STAG2: variants seen among roughly 807,000 people sequenced by gnomAD.
STAG2 encodes the protein STAG2 cohesin complex component.
In STAG2, 14 loss-of-function variants were observed where a neutral mutation model predicts 108.1. The ratio of observed to expected loss-of-function variants is 0.13; its 90% confidence interval spans 0.09 to 0.20. The LOEUF is 0.20. Among genes scored for constraint, STAG2 ranks in the 10% least tolerant of loss-of-function variants. The pLI is 1.00. For synonymous variants in STAG2, 307 were observed against 302.7 expected (o/e 1.01, Z -0.15); for missense variants, 440 against 940.9 (o/e 0.47, Z 6.96).
chrX:124,096,797 C>T (rs773964061), intron 34 of STAG2, among the ~76,000 whole-genome samples: 1 of 112,139 alleles, frequency 8.9e-6, no homozygotes, highest in South Asian at 3.7e-4. Flanking sequence ...TCTACCATTC[C>T]CACCTTGCCC....
At chrX:124,044,969 TTAAA>T (rs1277413253) in intron 7 of STAG2, among the ~76,000 whole-genome samples, 191 bp from the exon 8 acceptor site, 1 of 111,768 alleles carries the variant, frequency 8.9e-6, no homozygotes, top group Non-Finnish European at 1.9e-5. Flanking sequence ...TATCTTGATC[TTAAA>T]TAAAGAGCTG....
chrX:124,058,276 G>GC (rs1177347970), intron 15 of STAG2, among the ~76,000 whole-genome samples: 1 of 107,015 alleles, frequency 9.3e-6, no homozygotes, highest in African/African-American at 3.4e-5. Flanking sequence ...TCCTGCCTCA[G>GC]CCTCCCGAGT....
Position 124,057,934 on chromosome X carries a change from C to A in STAG2, c.1373C>A (p.Ala458Asp). 1 of 1,194,101 alleles carries A rather than the reference C, an allele frequency of 8.4e-7. No homozygotes were observed. ...MKRRGRQGPN[A>D]NLVKTLVFFF... is the part of the protein sequence containing the mutation. ...AGAAGAGGAAGACAAGGTCCAAATG[C>A]CAACCTTGTTAAGACATTGGTTTTT... The change falls in exon 15 of 35, where the codon GCC becomes GAC. Residue 458 changes from alanine (A) to aspartate (D), a missense_variant. By Grantham distance (126) the Ala-to-Asp change is moderately radical (BLOSUM62 -2). Around this residue, in one of 3 missense-constraint regions of STAG2, gnomAD observed 337 missense variants for 649.3 expected, o/e 0.52. Transcript: ENST00000371145.
intron 1 of STAG2, among the ~76,000 whole-genome samples, chrX:123,991,190 C>A (rs1252350686): frequency 8.9e-6 from 1 of 111,954 alleles, no homozygotes; most frequent in Non-Finnish European, 1.9e-5. Context: ...TACTCATATA[C>A]CTATCACCTA....
chrX:124,008,379 A>G (rs1300668848), intron 1 of STAG2, among the ~76,000 whole-genome samples: 1 of 108,715 alleles, frequency 9.2e-6, no homozygotes, highest in Non-Finnish European at 1.9e-5. Flanking sequence ...ACGCCTGGCT[A>G]ATTTTTGTAT....
At chrX:124,023,710 G>A (rs1052266526) in intron 3 of STAG2, among the ~76,000 whole-genome samples, 27 of 111,934 alleles carry the variant, frequency 2.4e-4, no homozygotes, top group African/African-American at 8.4e-4. Context: ...ATAAAGAGAA[G>A]ATTATGAAGT....
In STAG2 at chrX:124,095,399, A is replaced by T. The variant is rs1380172379; in HGVS notation, c.3733A>T (p.Thr1245Ser). The T allele has an allele frequency of 8.3e-7, 1 of 1,210,503 alleles. No homozygotes were observed. The highest frequency in any genetic ancestry group is 2.2e-5 in the Admixed American group (1 of 46,046). The change falls in exon 34 of 35, where the codon ACA (threonine) becomes TCA (serine). Residue 1245 changes from threonine to serine, a missense_variant. By Grantham distance (58) the Thr-to-Ser change is moderately conservative. Coordinates refer to ENST00000371145, the MANE Select transcript of STAG2 (RefSeq NM_001042750.2). ...ACCATCAAAGAACAGACGAGAGAGA[A>T]CAGAACTGAAGCCTGATTTCTTTGA... ...LPPSKNRRER[T>S]ELKPDFFDPA... is the part of the protein sequence containing the mutation.
At chrX:123,991,388 T>C (rs1214436169) in intron 1 of STAG2, among the ~76,000 whole-genome samples, 2 of 110,963 alleles carry the variant, frequency 1.8e-5, no homozygotes, top group Non-Finnish European at 3.8e-5. Flanking sequence ...AGTCTGACTC[T>C]GTTGCCCAGG....
In STAG2 at chrX:124,078,065, A is replaced by G. The variant is rs1287396266; in HGVS notation, c.2775+7A>G. 2.6e-6 allele frequency: 3 copies of G among 1,140,169 alleles called. No homozygotes were observed. The highest frequency in any genetic ancestry group is 3.0e-5 in the East Asian group (1 of 32,794). The allele number at this position is 1,140,169 out of a possible 1,213,427, so 94.0% of individuals were successfully genotyped here. A position where few individuals can be genotyped will look rare whatever the true frequency, so the allele number is the denominator to read the frequency against. On this transcript the variant is annotated splice_region_variant and intron_variant, in intron 27 of 34. Coordinates refer to ENST00000371145, the MANE Select transcript of STAG2 (RefSeq NM_001042750.2). The stretch of plus-strand genomic sequence containing the variant: ...TATTCTCAGTCTGCAACAGGTAAGC[A>G]TTAAGAGTACCAACTTTAGCTAACA...
At chrX:124,037,453 G>T in intron 5 of STAG2, 74 bp from the exon 6 acceptor site, 2 of 561,947 alleles carry the variant, frequency 3.6e-6, no homozygotes, top group Non-Finnish European at 5.4e-6. Flanking sequence ...TGAATTTTAT[G>T]ACTTTATCAG....
intron 30 of STAG2, among the ~76,000 whole-genome samples, chrX:124,089,991 T>A (rs1847306738): frequency 9.2e-6 from 1 of 108,249 alleles, no homozygotes; most frequent in African/African-American, 3.4e-5. Flanking sequence ...TGAAACCCTG[T>A]CTCTACTAAA....
intron 27 of STAG2, among the ~76,000 whole-genome samples, chrX:124,078,411 G>T (rs909035182): frequency 4.5e-5 from 5 of 111,875 alleles, no homozygotes; most frequent in African/African-American, 1.6e-4. Flanking sequence ...ATATTGCAAT[G>T]TTGTTTATAG....
chrX:124,064,860 A>C (rs1489926132), intron 20 of STAG2, among the ~76,000 whole-genome samples: 3 of 111,637 alleles, frequency 2.7e-5, no homozygotes, highest in African/African-American at 9.8e-5. Flanking sequence ...GTACTTAAAT[A>C]CACTTGTATT....
chrX:124,081,345 A>G lies in STAG2; in HGVS notation c.2776-35A>G, dbSNP rs187507782. 5.1e-4 allele frequency: 517 copies of G among 1,011,808 alleles called. No individual in the cohort carries two copies. The African/African-American group carries it at 9.6e-3, about 19-fold the overall frequency. The allele number at this position is 1,011,808 out of a possible 1,213,427, so 83.4% of individuals were successfully genotyped here. ...TAAAAGATGTTAATCTCCAGGTATT[A>G]AGAACTTTAACATGCTTTCTTTCTT... On this transcript the variant is annotated intron_variant, in intron 27 of 34. Coordinates refer to ENST00000371145, the MANE Select transcript of STAG2 (RefSeq NM_001042750.2).
chrX:124,026,850 G>A (rs2057119191), intron 4 of STAG2, among the ~76,000 whole-genome samples: 1 of 111,895 alleles, frequency 8.9e-6, no homozygotes, highest in African/African-American at 3.2e-5. Flanking sequence ...ATAAGTGACT[G>A]TAAAACTCTC....
intron 1 of STAG2, among the ~76,000 whole-genome samples, chrX:124,002,812 C>CTTTTTTTTTTTTTTT (rs111999061): frequency 1.1e-5 from 1 of 92,945 alleles, no homozygotes; most frequent in Non-Finnish European, 2.1e-5. Context: ...TTCTTTCTTT[C>CTTTTTTTTTTTTTTT]TTTTTTTTTT....
Position 123,985,423 on chromosome X carries a change from G to A in STAG2, c.-163+23567G>A, listed in dbSNP as rs932641370. Among the ~76,000 whole-genome samples the A allele has an allele frequency of 7.3e-5, 8 of 110,319 alleles. No homozygotes were observed. In the East Asian group the frequency reaches 1.4e-3, roughly 20 times the overall value. ...ATTTTTTATTTTTTGTAGAGATGGC[G>A]TCTTACTTTGTTCCCCAGGCTGGTC... On this transcript the variant is annotated intron_variant, in intron 1 of 34. Coordinates refer to ENST00000371145, the MANE Select transcript of STAG2 (RefSeq NM_001042750.2).
At position 124,056,712 on chromosome X, in the gene STAG2, G is replaced by A. The variant is rs371572796; in HGVS notation, c.1304+477G>A. Reference sequence around the variant, plus strand: ...TGGGCCACTGCACTCCAGCCTGGGCGACAGAGCGAGACTCCATCTAAAAAA... The same window carrying A: ...TGGGCCACTGCACTCCAGCCTGGGCAACAGAGCGAGACTCCATCTAAAAAA... On this transcript the variant is annotated intron_variant, in intron 14 of 34. Transcript: ENST00000371145. Among the ~76,000 whole-genome samples, 13 of 75,845 alleles carry A rather than the reference G, an allele frequency of 1.7e-4. No individual in the cohort carries two copies. In the East Asian group the frequency reaches 3.2e-3, roughly 19 times the overall value. 65.9% of individuals were successfully genotyped at this position (75,845 alleles called of 115,157 possible).
At position 124,094,114 on chromosome X, in the gene STAG2, A is replaced by G; in HGVS notation, c.3675A>G (p.Gly1225=). 8.3e-7 allele frequency: 1 copy of G among 1,207,051 alleles called. No individual in the cohort carries two copies. The highest frequency in any genetic ancestry group is 1.1e-6 in the Non-Finnish European group (1 of 891,598). ...SEGRIEDLNE[G]MDFDTMDIDL... Reference sequence around the variant, plus strand: ...GGAGGATTGAGGATCTTAATGAGGGAATGGATTTTGACACCATGGATATAG... The same window carrying G: ...GGAGGATTGAGGATCTTAATGAGGGGATGGATTTTGACACCATGGATATAG... Residue 1225 remains glycine (G), a synonymous_variant, in exon 33 of 35, where the codon GGA becomes GGG. Coordinates refer to ENST00000371145, the MANE Select transcript of STAG2 (RefSeq NM_001042750.2).
Sources: gnomAD v4.1 joint callset for allele counts (sites outside exome capture counted in the v4.1 genomes callset) on GRCh38, gnomAD v4.1.1 for gene constraint, gnomAD v4.1.1 regional missense constraint, MANE v1.5 for transcripts, NCBI Gene and HGNC (gene_info 2026-07-23, HGNC 2026-07-21) for gene names.